The following AGTPBP1 variants were observed in gnomAD, a reference collection of about 807,000 sequenced individuals.
AGTPBP1 encodes the protein cytosolic carboxypeptidase 1.
Under a neutral mutation model 143.9 loss-of-function variants are expected in AGTPBP1, and 70 were observed. The ratio of observed to expected loss-of-function variants is 0.49; its 90% CI spans 0.40 to 0.59. The LOEUF (loss-of-function observed/expected upper bound fraction) is 0.59. Ranked by LOEUF, AGTPBP1 falls within the 20% of genes least tolerant of loss-of-function variation. AGTPBP1 has a pLI of 0.00. For missense variants in AGTPBP1, 1,229 were observed against 1,464.5 expected, an observed-to-expected ratio of 0.84 and a Z score of 2.62; for synonymous variants, 463 against 500.2, an observed-to-expected ratio of 0.93 and a Z score of 0.99.
At chr9:85,645,791 C>T (rs903932797) in intron 12 of AGTPBP1, among the ~76,000 whole-genome samples, 2 of 152,086 alleles carry the variant, frequency 1.3e-5, no homozygotes, top group African/African-American at 4.8e-5. Context: ...TACAATGAAA[C>T]TCCGAAAACT....
intron 11 of AGTPBP1, among the ~76,000 whole-genome samples, chr9:85,647,608 G>A (rs1042684237): frequency 1.3e-5 from 2 of 152,192 alleles, no homozygotes; most frequent in Admixed American, 6.5e-5. Flanking sequence ...ATGGGAAAAC[G>A]AGAAATGCAA....
chr9:85,572,004 G>GTTTTT lies in AGTPBP1; in HGVS notation c.3503+3306_3503+3310dup, dbSNP rs55882437. Reference sequence around the variant, plus strand: ...TGGCCATTATTAGTTGTTTGTGTGTGTTTTTTTTTTTTTTTTTTTTTTTTT... The same window carrying GTTTTT: ...TGGCCATTATTAGTTGTTTGTGTGTGTTTTTTTTTTTTTTTTTTTTTTTTTTTTTT... On this transcript the variant is annotated intron_variant, in intron 25 of 25. Transcript: ENST00000357081. Among the ~76,000 whole-genome samples the GTTTTT allele has an allele frequency of 7.8e-3, 340 of 43,318 alleles. 43 individuals carry two copies. Among genetic ancestry groups the GTTTTT allele is most frequent in the Non-Finnish European group, 0.012 (230 of 19,886 alleles). The allele number at this position is 43,318 out of a possible 152,430, so 28.4% of individuals were successfully genotyped here.
rs1185733100 is a variant in AGTPBP1, at chr9:85,692,565, C to T, written c.157+124G>A. The T allele has an allele frequency of 5.7e-6, 7 of 1,233,756 alleles. No individual in the cohort carries two copies. In the Admixed American group the frequency reaches 6.9e-5, roughly 12 times the overall value. 76.4% of individuals were successfully genotyped at this position (1,233,756 alleles called of 1,614,324 possible). ...CTGGGATTACAGGTGTGAGCCACCACACCCGGCCTGAAAGTTCAATTTTTG... is the reference window on the plus strand; with the variant it reads ...CTGGGATTACAGGTGTGAGCCACCATACCCGGCCTGAAAGTTCAATTTTTG... On this transcript the variant is annotated intron_variant, in intron 3 of 25. Transcript: ENST00000357081.
At position 85,546,854 on chromosome 9, in the gene AGTPBP1, G is replaced by GTTT; in HGVS notation, c.*252_*254dup. 1 of 268,542 alleles carries GTTT rather than the reference G, an allele frequency of 3.7e-6. No individual in the cohort carries two copies. Among genetic ancestry groups the GTTT allele is most frequent in the African/African-American group, 2.2e-5 (1 of 44,506 alleles). 16.6% of individuals were successfully genotyped at this position (268,542 alleles called of 1,614,324 possible). On this transcript the variant is annotated 3_prime_UTR_variant, in exon 26 of 26. Transcript: ENST00000357081. ...TAAAAATTCATGCAATGATACTCAG[G>GTTT]TTTTTTTTTTAAAGGTAAATCCAAT...
At position 85,672,534 on chromosome 9, in the gene AGTPBP1, C is replaced by A. The variant is rs749658931; in HGVS notation, c.568+16G>T. 4 of 1,602,528 alleles carry A rather than the reference C, an allele frequency of 2.5e-6. No individual in the cohort carries two copies. The South Asian group carries it at 4.5e-5, about 18-fold the overall frequency. On this transcript the variant is annotated intron_variant, in intron 7 of 25. Coordinates refer to ENST00000357081, the MANE Select transcript of AGTPBP1 (RefSeq NM_001330701.2). ...TTTACAACACTGAGTTAACTAAAAG[C>A]CACCTAAATACTCACAGTTGGCAGA... is the stretch of plus-strand genomic sequence containing the variant.
At chr9:85,799,603 A>G in the AGTPBP1 span, among the ~76,000 whole-genome samples, 7 of 152,126 alleles carry the variant, frequency 4.6e-5, no homozygotes, top group Non-Finnish European at 8.8e-5. Flanking sequence ...TGCAGCCCCA[A>G]ACTCCTGGCT....
intron 3 of AGTPBP1, among the ~76,000 whole-genome samples, chr9:85,685,612 G>C (rs934283556): frequency 1.3e-5 from 2 of 151,946 alleles, no homozygotes; most frequent in Non-Finnish European, 2.9e-5. Flanking sequence ...CAGCCAACCT[G>C]AACTACTGGA....
At chr9:85,727,679 T>C (rs996711266) in intron 1 of AGTPBP1, among the ~76,000 whole-genome samples, 2 of 152,132 alleles carry the variant, frequency 1.3e-5, no homozygotes, top group Non-Finnish European at 2.9e-5. Flanking sequence ...ACATTTGTTA[T>C]CACATGAAGT....
chr9:85,799,294 T>C, the AGTPBP1 span, among the ~76,000 whole-genome samples: 1 of 152,116 alleles, frequency 6.6e-6, no homozygotes, highest in African/African-American at 2.4e-5. Flanking sequence ...TAAACATACG[T>C]GTGTGTATGT....
the AGTPBP1 span, chr9:85,786,478 C>T: frequency 3.8e-5 from 61 of 1,613,638 alleles, no homozygotes; most frequent in African/African-American, 8.0e-4. Flanking sequence ...AAATTTCCGC[C>T]TTGGAACTAT....
At chr9:85,627,361 C>T (rs751024639) in intron 14 of AGTPBP1, among the ~76,000 whole-genome samples, 2 of 152,098 alleles carry the variant, frequency 1.3e-5, no homozygotes, top group Non-Finnish European at 2.9e-5. Flanking sequence ...TGGTCTCACC[C>T]CTCTCATCAA....
chr9:85,768,401 T>C, the AGTPBP1 span, among the ~76,000 whole-genome samples: 2 of 152,208 alleles, frequency 1.3e-5, no homozygotes, highest in Non-Finnish European at 2.9e-5. Context: ...AGAGACACCA[T>C]GTACATCAGG....
rs948668336 is a variant in AGTPBP1, at chr9:85,560,537, A to G, written c.3504-13251T>C. Among the ~76,000 whole-genome samples, 46 of 152,164 alleles carry G rather than the reference A, an allele frequency of 3.0e-4. 1 individual carries two copies. The highest frequency in any genetic ancestry group is 8.8e-5 in the Non-Finnish European group (6 of 68,026). On this transcript the variant is annotated intron_variant, in intron 25 of 25. Transcript: ENST00000357081. ...CAAAGTCTGCTCGAAAGTAAATCCT[A>G]TTGAGCTTCCCAAATGCTGGCTTAT...
In AGTPBP1 at chr9:85,677,584, T is replaced by C; in HGVS notation, c.290-2A>G. 1.4e-6 allele frequency: 2 copies of C among 1,469,862 alleles called. No individual in the cohort carries two copies. The highest frequency in any genetic ancestry group is 1.4e-5 in the South Asian group (1 of 70,068). The allele number at this position is 1,469,862 out of a possible 1,614,324, so 91.1% of individuals were successfully genotyped here. A position where few individuals can be genotyped will look rare whatever the true frequency, so the allele number is the denominator to read the frequency against. On this transcript the variant is annotated splice_acceptor_variant, in intron 5 of 25. Coordinates refer to ENST00000357081, the MANE Select transcript of AGTPBP1 (RefSeq NM_001330701.2). LOFTEE classifies it high-confidence loss of function. ...AGAAACTCACTCTTCGACCTCCACC[T>C]AAAAATTAAAAAAAAAAAAAATTTA...
intron 17 of AGTPBP1, among the ~76,000 whole-genome samples, chr9:85,616,827 A>T (rs1830628287): frequency 6.6e-6 from 1 of 152,030 alleles, no homozygotes; most frequent in Non-Finnish European, 1.5e-5. Context: ...CATAGTTAGT[A>T]GTTTAAAATC....
At chr9:85,750,011 A>T in the AGTPBP1 span, among the ~76,000 whole-genome samples, 2 of 151,794 alleles carry the variant, frequency 1.3e-5, no homozygotes. Context: ...CCTCCCAAGT[A>T]GCTGGGACTA....
chr9:85,737,579 A>G (rs1823884717), intron 1 of AGTPBP1, among the ~76,000 whole-genome samples: 1 of 152,234 alleles, frequency 6.6e-6, no homozygotes, highest in Non-Finnish European at 1.5e-5. Context: ...ATTAACAACC[A>G]TAACTTTCTT....
At chr9:85,754,425 G>A in the AGTPBP1 span, among the ~76,000 whole-genome samples, 3 of 152,106 alleles carry the variant, frequency 2.0e-5, no homozygotes, top group Non-Finnish European at 4.4e-5. Context: ...TTCGTGATCT[G>A]CCTGCCTTGG....
intron 1 of AGTPBP1, among the ~76,000 whole-genome samples, chr9:85,719,720 G>A (rs1837973240): frequency 6.6e-6 from 1 of 152,146 alleles, no homozygotes; most frequent in African/African-American, 2.4e-5. Flanking sequence ...GGTGAGAGAG[G>A]GCATCCTTGT....
Sources: gnomAD v4.1 joint callset for allele counts (sites outside exome capture counted in the v4.1 genomes callset) on GRCh38, gnomAD v4.1.1 for gene constraint, MANE v1.5 for transcripts, NCBI Gene and HGNC (gene_info 2026-07-23, HGNC 2026-07-21) for gene names.